The following TBC1D22A variants were observed in gnomAD, a reference collection of about 807,000 sequenced individuals.
TBC1D22A encodes TBC1 domain family member 22A.
Under a neutral mutation model 60.2 loss-of-function variants are expected in TBC1D22A, and 38 were observed. The ratio of observed to expected loss-of-function variants is 0.63; its 90% CI spans 0.49 to 0.83. The LOEUF (loss-of-function observed/expected upper bound fraction) is 0.83. TBC1D22A is among the 40% of genes least tolerant of loss of function. The pLI, the probability that TBC1D22A is intolerant of heterozygous loss-of-function variation, is 0.00. For missense variants in TBC1D22A, 628 were observed against 701.0 expected, an observed-to-expected ratio of 0.90 and a Z score of 1.18; for synonymous variants, 302 against 281.7, an observed-to-expected ratio of 1.07 and a Z score of -0.72.
chr22:47,032,690 G>A (rs113536261), intron 10 of TBC1D22A, among the ~76,000 whole-genome samples: 6 of 152,346 alleles, frequency 3.9e-5, no homozygotes, highest in South Asian at 4.1e-4. Flanking sequence ...TCAGAGCAGC[G>A]GCCAGACAGG....
At chr22:46,974,235 T>G (rs933519193) in intron 8 of TBC1D22A, 55 bp from the exon 9 acceptor site, 2 of 1,481,648 alleles carry the variant, frequency 1.3e-6, no homozygotes, top group African/African-American at 2.8e-5. Context: ...CCCTCGTGGG[T>G]CGAGGTCCCG....
Position 46,793,782 on chromosome 22 carries a change from C to T in TBC1D22A, c.401C>T (p.Pro134Leu), listed in dbSNP as rs201151937. Residue 134 changes from proline to leucine, a missense_variant, in exon 3 of 13, where the codon CCC becomes CTC. Physicochemically the swap from Pro to Leu is moderately conservative, Grantham distance 98. Transcript: ENST00000337137. ...PRPEAEPPSPPSGDLRLVKSV... is the reference protein window; with the variant it reads ...PRPEAEPPSPLSGDLRLVKSV... ...CCCGAGGCAGAGCCGCCCTCACCCC[C>T]CAGCGGCGACCTCCGGCTGGTGAAG... The T allele has an allele frequency of 1.2e-6, 2 of 1,601,234 alleles. No individual in the cohort carries two copies. Among genetic ancestry groups the T allele is most frequent in the Non-Finnish European group, 1.7e-6 (2 of 1,174,600 alleles).
chr22:46,876,286 A>T (rs1372255381), intron 4 of TBC1D22A, among the ~76,000 whole-genome samples: 1 of 152,204 alleles, frequency 6.6e-6, no homozygotes, highest in Non-Finnish European at 1.5e-5. Context: ...TAATTTAGAT[A>T]AACTTACTTC....
chr22:47,058,234 C>T (rs13054137), intron 11 of TBC1D22A, among the ~76,000 whole-genome samples: 4,125 of 152,268 alleles, frequency 0.027, 85 homozygotes, highest in Non-Finnish European at 0.04. Context: ...TCAAAGGTGG[C>T]TCTGAGGGGC....
At chr22:46,811,996 A>T (rs1420029557) in intron 4 of TBC1D22A, among the ~76,000 whole-genome samples, 1 of 151,978 alleles carries the variant, frequency 6.6e-6, no homozygotes, top group African/African-American at 2.4e-5. Context: ...AAAATCAAGG[A>T]ATTGGTCCAG....
chr22:47,012,457 C>T (rs2061779546), intron 10 of TBC1D22A, among the ~76,000 whole-genome samples: 1 of 152,202 alleles, frequency 6.6e-6, no homozygotes, highest in African/African-American at 2.4e-5. Context: ...AGGCCCCTCA[C>T]TGTCGTCCTG....
intron 1 of TBC1D22A, chr22:46,767,933 T>G (rs1316855062): frequency 1.3e-5 from 2 of 152,672 alleles, no homozygotes; most frequent in Non-Finnish European, 2.9e-5. Flanking sequence ...AGTGAAGACA[T>G]GGACTGTTCT....
intron 1 of TBC1D22A, among the ~76,000 whole-genome samples, chr22:46,765,049 C>T (rs1157729675): frequency 1.3e-5 from 2 of 152,250 alleles, no homozygotes; most frequent in Non-Finnish European, 2.9e-5. Flanking sequence ...TCCTTTTCCT[C>T]TGACTTTGAT....
intron 8 of TBC1D22A, among the ~76,000 whole-genome samples, chr22:46,934,759 C>G (rs1392334358): frequency 1.3e-5 from 2 of 151,968 alleles, no homozygotes; most frequent in African/African-American, 4.8e-5. Flanking sequence ...GTGCCGCCCC[C>G]GCTCAGCGTT....
intron 10 of TBC1D22A, among the ~76,000 whole-genome samples, chr22:46,999,603 T>TC (rs780833839): frequency 6.6e-6 from 1 of 152,038 alleles, no homozygotes; most frequent in Non-Finnish European, 1.5e-5. Flanking sequence ...CACGTGAAGC[T>TC]CCCCCTCACC....
intron 11 of TBC1D22A, among the ~76,000 whole-genome samples, chr22:47,062,209 C>G (rs1395179403): frequency 6.6e-6 from 1 of 152,092 alleles, no homozygotes; most frequent in Non-Finnish European, 1.5e-5. Context: ...GGACCAGCAG[C>G]CTCAGCATCA....
intron 11 of TBC1D22A, among the ~76,000 whole-genome samples, chr22:47,064,130 C>G (rs1268479354): frequency 6.6e-6 from 1 of 152,240 alleles, no homozygotes; most frequent in Non-Finnish European, 1.5e-5. Flanking sequence ...GGACACGGAT[C>G]CACTCGCTGT....
In TBC1D22A at chr22:46,948,111, C is replaced by T. The variant is rs559949089; in HGVS notation, c.1016-26179C>T. On this transcript the variant is annotated intron_variant, in intron 8 of 12. Transcript: ENST00000337137. ...GGACGGAGGGCTGGGGTATTAGAGG[C>T]GAACAGGAGAGATTTGCAAAACAAA... Among the ~76,000 whole-genome samples the T allele has an allele frequency of 3.9e-4, 59 of 152,176 alleles. No homozygotes were observed. The South Asian group carries it at 0.01, about 26-fold the overall frequency.
intron 8 of TBC1D22A, among the ~76,000 whole-genome samples, chr22:46,950,159 A>C (rs2072812151): frequency 6.6e-6 from 1 of 152,178 alleles, no homozygotes; most frequent in African/African-American, 2.4e-5. Flanking sequence ...GAGGGTGGTA[A>C]TAGTGGCTGG....
intron 12 of TBC1D22A, among the ~76,000 whole-genome samples, chr22:47,130,332 C>T (rs753158777): frequency 6.6e-5 from 10 of 152,190 alleles, no homozygotes; most frequent in African/African-American, 2.2e-4. Context: ...CGGGCTCCCC[C>T]CAAGCGCAGC....
chr22:46,813,660 C>T (rs2085474446), intron 4 of TBC1D22A, among the ~76,000 whole-genome samples: 1 of 152,136 alleles, frequency 6.6e-6, no homozygotes, highest in Admixed American at 6.6e-5. Context: ...GGTTAGGGCC[C>T]TTAAGCATAT....
At chr22:47,050,796 G>C (rs1455452801) in intron 11 of TBC1D22A, among the ~76,000 whole-genome samples, 3 of 152,152 alleles carry the variant, frequency 2.0e-5, no homozygotes, top group African/African-American at 4.8e-5. Flanking sequence ...CGGTGGAGGT[G>C]GGGGGATGGT....
At chr22:47,029,597 A>G (rs926760044) in intron 10 of TBC1D22A, among the ~76,000 whole-genome samples, 2 of 152,098 alleles carry the variant, frequency 1.3e-5, no homozygotes, top group African/African-American at 4.8e-5. Context: ...TGCCCGAAGG[A>G]GAAGACCTGC....
intron 12 of TBC1D22A, among the ~76,000 whole-genome samples, chr22:47,118,652 A>G (rs985899441): frequency 2.6e-5 from 4 of 152,234 alleles, no homozygotes; most frequent in Admixed American, 2.6e-4. Context: ...ATTAGAAGAC[A>G]GGGTTTTTAT....
Sources: gnomAD v4.1 joint callset for allele counts (sites outside exome capture counted in the v4.1 genomes callset) on GRCh38, gnomAD v4.1.1 for gene constraint, MANE v1.5 for transcripts, NCBI Gene and HGNC (gene_info 2026-07-23, HGNC 2026-07-21) for gene names.